Variants in SPATS2 observed in about 807,000 individuals in gnomAD.
The protein encoded by SPATS2 is spermatogenesis-associated serine-rich protein 2.
A neutral mutation model predicts 63.7 loss-of-function variants in SPATS2; 38 were observed. That is an observed-to-expected ratio of 0.60 (90% CI 0.46 to 0.78). The LOEUF (loss-of-function observed/expected upper bound fraction) is 0.78, where lower values mean the gene tolerates loss of function less well. Ranked by LOEUF, SPATS2 falls within the 30% of genes least tolerant of loss-of-function variation. The pLI is 0.00. For missense variants in SPATS2, 588 were observed against 666.2 expected (o/e 0.88, Z 1.29); for synonymous variants, 207 against 232.9 (o/e 0.89, Z 1.01).
intron 2 of SPATS2, among the ~76,000 whole-genome samples, chr12:49,392,322 A>T (rs1944432165): frequency 6.6e-6 from 1 of 151,962 alleles, no homozygotes; most frequent in Non-Finnish European, 1.5e-5. Context: ...ATTATTAAAG[A>T]TGAGTGATTA....
chr12:49,505,359 TA>T (rs1468395356), intron 9 of SPATS2, among the ~76,000 whole-genome samples: 17 of 152,346 alleles, frequency 1.1e-4, no homozygotes, highest in African/African-American at 2.6e-4. Flanking sequence ...TGGTTCTTGA[TA>T]TTTTTTTATT....
intron 2 of SPATS2, among the ~76,000 whole-genome samples, chr12:49,397,833 TAAAAAA>T (rs989085737): frequency 2.4e-5 from 2 of 82,336 alleles, no homozygotes; most frequent in Non-Finnish European, 2.3e-5. Context: ...CTTAGCTCTT[TAAAAAA>T]AAAAAAAAAA....
At chr12:49,463,900 T>C (rs767433394) in intron 3 of SPATS2, among the ~76,000 whole-genome samples, 7 of 152,230 alleles carry the variant, frequency 4.6e-5, no homozygotes, top group Non-Finnish European at 1.0e-4. Context: ...TTAAATTAAA[T>C]TAAGTCAGTT....
chr12:49,505,772 T>C (rs2137984686), intron 9 of SPATS2, among the ~76,000 whole-genome samples: 1 of 152,352 alleles, frequency 6.6e-6, no homozygotes. Context: ...GCAATTTGCC[T>C]AAGTTGCAGA....
intron 2 of SPATS2, among the ~76,000 whole-genome samples, chr12:49,394,428 GA>G (rs1274097408): frequency 1.3e-5 from 2 of 151,358 alleles, no homozygotes; most frequent in Admixed American, 1.3e-4. Flanking sequence ...TAAATCTATT[GA>G]ATCAGTTTGG....
intron 2 of SPATS2, among the ~76,000 whole-genome samples, chr12:49,445,983 C>A (rs940060888): frequency 6.6e-6 from 1 of 152,174 alleles, no homozygotes; most frequent in Admixed American, 6.5e-5. Context: ...CAGCCCACTG[C>A]AACCTCTGCC....
chr12:49,402,925 G>A (rs561574328), intron 2 of SPATS2, among the ~76,000 whole-genome samples: 27 of 152,262 alleles, frequency 1.8e-4, no homozygotes, highest in African/African-American at 5.8e-4. Context: ...ATTAGATTTC[G>A]TTTGGAGCAA....
chr12:49,371,463 A>G (rs572236915), intron 2 of SPATS2, among the ~76,000 whole-genome samples, 173 bp downstream of exon 2: 1 of 152,340 alleles, frequency 6.6e-6, no homozygotes, highest in Non-Finnish European at 1.5e-5. Flanking sequence ...TTCTCAATGG[A>G]CATTTGGGTT....
intron 9 of SPATS2, among the ~76,000 whole-genome samples, chr12:49,510,989 G>T (rs760161294): frequency 1.3e-5 from 2 of 152,000 alleles, no homozygotes; most frequent in Non-Finnish European, 2.9e-5. Flanking sequence ...ATCACTTGAA[G>T]CCAGGAGTTT....
chr12:49,424,827 C>G (rs1945044018), intron 2 of SPATS2, among the ~76,000 whole-genome samples: 1 of 151,804 alleles, frequency 6.6e-6, no homozygotes. Context: ...TTACAGGCAC[C>G]CACCACCACG....
chr12:49,408,189 C>T (rs989768854), intron 2 of SPATS2, among the ~76,000 whole-genome samples: 2 of 151,872 alleles, frequency 1.3e-5, no homozygotes, highest in African/African-American at 4.8e-5. Flanking sequence ...CCATTACTAC[C>T]TGATAGCAGA....
At chr12:49,398,429 C>T (rs918530226) in intron 2 of SPATS2, among the ~76,000 whole-genome samples, 3 of 151,890 alleles carry the variant, frequency 2.0e-5, no homozygotes, top group Non-Finnish European at 4.4e-5. Context: ...GATTGAAGTC[C>T]TAATAGAAGG....
chr12:49,419,562 G>A (rs1292065540), intron 2 of SPATS2, among the ~76,000 whole-genome samples: 86 of 152,208 alleles, frequency 5.7e-4, no homozygotes, highest in Admixed American at 5.6e-3. Flanking sequence ...GGCTTAGCCA[G>A]AAGATCTGAG....
intron 2 of SPATS2, among the ~76,000 whole-genome samples, chr12:49,405,049 T>C (rs191290928): frequency 2.6e-4 from 40 of 151,762 alleles, no homozygotes; most frequent in Admixed American, 5.3e-4. Flanking sequence ...GTGGTTGCAA[T>C]ACAGACTGTA....
chr12:49,467,429 G>A (rs1470562031), intron 3 of SPATS2, among the ~76,000 whole-genome samples: 2 of 152,134 alleles, frequency 1.3e-5, no homozygotes, highest in Non-Finnish European at 2.9e-5. Flanking sequence ...GAAGAAAGCA[G>A]ACTTGGGGAG....
At chr12:49,518,387 G>A (rs747749960) in intron 10 of SPATS2, among the ~76,000 whole-genome samples, 17 of 152,178 alleles carry the variant, frequency 1.1e-4, no homozygotes, top group Non-Finnish European at 1.9e-4. Context: ...CAGAAAGCAT[G>A]CCAGAGAAGG....
At chr12:49,483,884 C>G (rs1373377672) in intron 3 of SPATS2, among the ~76,000 whole-genome samples, 1 of 152,208 alleles carries the variant, frequency 6.6e-6, no homozygotes, top group Non-Finnish European at 1.5e-5. Flanking sequence ...GAAAAGCACT[C>G]TAACCATTTC....
At chr12:49,388,435 G>A (rs948847512) in intron 2 of SPATS2, among the ~76,000 whole-genome samples, 14 of 147,668 alleles carry the variant, frequency 9.5e-5, no homozygotes, top group African/African-American at 3.5e-4. Flanking sequence ...GTGCAGTGGT[G>A]CAATCATGGC....
intron 3 of SPATS2, among the ~76,000 whole-genome samples, chr12:49,478,927 G>A (rs186027349): frequency 1.3e-5 from 2 of 152,300 alleles, no homozygotes; most frequent in East Asian, 3.9e-4. Context: ...ACAGCTCAGC[G>A]GAGACCCGCA....
Sources: gnomAD v4.1 joint callset for allele counts (sites outside exome capture counted in the v4.1 genomes callset) on GRCh38, gnomAD v4.1.1 for gene constraint, MANE v1.5 for transcripts, NCBI Gene and HGNC (gene_info 2026-07-23, HGNC 2026-07-21) for gene names.